EPHB1: variants seen among roughly 807,000 people sequenced by gnomAD.
The protein encoded by EPHB1 is ephrin type-B receptor 1.
Under a neutral mutation model 94.4 loss-of-function variants are expected in EPHB1, and 30 were observed. That is an observed-to-expected ratio of 0.32 (90% CI 0.24 to 0.43). The LOEUF (loss-of-function observed/expected upper bound fraction) is 0.43, where lower values mean the gene tolerates loss of function less well. Among genes scored for constraint, EPHB1 ranks in the 20% least tolerant of loss-of-function variants. The pLI is 1.00. For missense variants in EPHB1, 1,055 were observed against 1,308.3 expected (o/e 0.81, Z 2.99); for synonymous variants, 522 against 489.1 (o/e 1.07, Z -0.89).
intron 2 of EPHB1, among the ~76,000 whole-genome samples, chr3:134,945,433 A>G (rs1019637359): frequency 2.4e-4 from 36 of 152,176 alleles, no homozygotes; most frequent in African/African-American, 8.7e-4. Context: ...AACAAAAGTT[A>G]TGTTTTCTTT....
intron 10 of EPHB1, among the ~76,000 whole-genome samples, chr3:135,187,948 C>G (rs1942369591): frequency 6.6e-6 from 1 of 152,168 alleles, no homozygotes; most frequent in South Asian, 2.1e-4. Context: ...CCTGTAATCT[C>G]AGCACTTTGG....
intron 1 of EPHB1, among the ~76,000 whole-genome samples, chr3:134,867,027 G>A (rs780931848): frequency 6.6e-6 from 1 of 152,176 alleles, no homozygotes; most frequent in South Asian, 2.1e-4. Context: ...AGATACCTGG[G>A]GGCTGATCCC....
chr3:135,131,075 A>G (rs1940396736), intron 4 of EPHB1, among the ~76,000 whole-genome samples: 1 of 152,162 alleles, frequency 6.6e-6, no homozygotes, highest in Admixed American at 6.5e-5. Flanking sequence ...AGCACTAGCT[A>G]TGTGATTATT....
chr3:134,927,615 T>A (rs1467313233), intron 2 of EPHB1, among the ~76,000 whole-genome samples: 1 of 152,252 alleles, frequency 6.6e-6, no homozygotes, highest in Non-Finnish European at 1.5e-5. Flanking sequence ...CCCAACATAA[T>A]TTATGGTTAA....
chr3:134,835,758 G>A (rs1373784006), intron 1 of EPHB1, among the ~76,000 whole-genome samples: 3 of 152,160 alleles, frequency 2.0e-5, no homozygotes, highest in Non-Finnish European at 4.4e-5. Flanking sequence ...GGAGGAGGAG[G>A]TCTGGGGAAG....
chr3:135,131,505 A>G (rs980020382), intron 4 of EPHB1, among the ~76,000 whole-genome samples: 1 of 152,180 alleles, frequency 6.6e-6, no homozygotes, highest in Non-Finnish European at 1.5e-5. Context: ...CAGACCTGCC[A>G]TTCGAAAGGG....
rs372910813 is a variant in EPHB1 at position 135,148,534 on chromosome 3, C to T, written c.1298-5618C>T. On this transcript the variant is annotated intron_variant, in intron 5 of 15. Transcript: ENST00000398015. Reference sequence around the variant, plus strand: ...CTGGTGGTCTGCCAGGCTGCATCTTCGATACTACTGGCAGTGACCAGTGGT... The same window carrying T: ...CTGGTGGTCTGCCAGGCTGCATCTTTGATACTACTGGCAGTGACCAGTGGT... Among the ~76,000 whole-genome samples, 160 of 151,906 alleles carry T rather than the reference C, an allele frequency of 1.1e-3. 2 individuals carry two copies. The highest frequency in any genetic ancestry group is 3.5e-3 in the African/African-American group (146 of 41,246).
intron 15 of EPHB1, among the ~76,000 whole-genome samples, chr3:135,249,952 C>T (rs1430133246): frequency 1.3e-5 from 2 of 152,138 alleles, no homozygotes; most frequent in Admixed American, 6.5e-5. Flanking sequence ...AATTATTTAC[C>T]AGTCTGTGGC....
intron 6 of EPHB1, among the ~76,000 whole-genome samples, chr3:135,160,525 G>A (rs576546823): frequency 6.6e-6 from 1 of 152,202 alleles, no homozygotes; most frequent in South Asian, 2.1e-4. Flanking sequence ...GGGACACAGG[G>A]ACTTGGATCA....
intron 3 of EPHB1, among the ~76,000 whole-genome samples, chr3:135,025,050 T>G (rs1936102839): frequency 6.6e-6 from 1 of 151,690 alleles, no homozygotes; most frequent in Non-Finnish European, 1.5e-5. Flanking sequence ...ACAACTTTTT[T>G]GTTAAATGTA....
Position 134,989,327 on chromosome 3 carries a change from T to C in EPHB1, c.805+37275T>C, listed in dbSNP as rs112268492. ...GATTTTTGTATTCAAGGCTAGCAAA[T>C]GGGAATTAACTAACATGGAAATCAT... On this transcript the variant is annotated intron_variant, in intron 3 of 15. Coordinates refer to ENST00000398015, the MANE Select transcript of EPHB1 (RefSeq NM_004441.5). Among the ~76,000 whole-genome samples, 399 of 152,274 alleles carry C rather than the reference T, an allele frequency of 2.6e-3. 2 individuals carry two copies. The highest frequency in any genetic ancestry group is 4.8e-3 in the Non-Finnish European group (325 of 68,018).
chr3:134,982,031 TA>T (rs1404636560), intron 3 of EPHB1, among the ~76,000 whole-genome samples: 1 of 152,258 alleles, frequency 6.6e-6, no homozygotes, highest in Non-Finnish European at 1.5e-5. Context: ...TGAGTAAGTT[TA>T]ACTTCACAGG....
At chr3:134,804,354 G>C (rs2035995249) in intron 1 of EPHB1, among the ~76,000 whole-genome samples, 1 of 152,050 alleles carries the variant, frequency 6.6e-6, no homozygotes, top group African/African-American at 2.4e-5. Context: ...ATAGCACGGG[G>C]AAAGACCGGC....
intron 3 of EPHB1, among the ~76,000 whole-genome samples, chr3:135,058,321 C>T (rs368395558): frequency 1.4e-4 from 21 of 152,300 alleles, no homozygotes; most frequent in African/African-American, 3.4e-4. Flanking sequence ...ATGGGAATGG[C>T]GGCCCGCCTG....
At chr3:135,173,992 G>A (rs1028615579) in intron 9 of EPHB1, among the ~76,000 whole-genome samples, 3 of 152,152 alleles carry the variant, frequency 2.0e-5, no homozygotes, top group African/African-American at 7.2e-5. Flanking sequence ...ATCTTCCTTT[G>A]AAATTTGTCT....
intron 1 of EPHB1, among the ~76,000 whole-genome samples, chr3:134,845,526 C>A (rs2036856061): frequency 6.6e-6 from 1 of 152,172 alleles, no homozygotes; most frequent in African/African-American, 2.4e-5. Context: ...GGCTCCGAGG[C>A]CAGAAGAGTG....
chr3:135,033,659 T>C (rs907072726), intron 3 of EPHB1, among the ~76,000 whole-genome samples: 1 of 152,154 alleles, frequency 6.6e-6, no homozygotes, highest in South Asian at 2.1e-4. Flanking sequence ...CCGAGGAAGA[T>C]GGGAGATAAC....
chr3:135,012,087 G>T (rs1935640018), intron 3 of EPHB1, among the ~76,000 whole-genome samples: 1 of 152,162 alleles, frequency 6.6e-6, no homozygotes. Flanking sequence ...TGATCTGGTG[G>T]CAGTGATTCA....
intron 3 of EPHB1, among the ~76,000 whole-genome samples, chr3:135,080,265 G>A (rs1938117682): frequency 1.3e-5 from 2 of 152,188 alleles, no homozygotes; most frequent in African/African-American, 4.8e-5. Context: ...CTCAGAATGA[G>A]GCTTCACAGA....
Sources: gnomAD v4.1 joint callset for allele counts (sites outside exome capture counted in the v4.1 genomes callset) on GRCh38, gnomAD v4.1.1 for gene constraint, MANE v1.5 for transcripts, NCBI Gene and HGNC (gene_info 2026-07-23, HGNC 2026-07-21) for gene names.